Variants in IDH1 observed in about 807,000 individuals in gnomAD.
IDH1 encodes the protein isocitrate dehydrogenase (NADP(+)) 1.
Under a neutral mutation model 46.1 loss-of-function variants are expected in IDH1, and 33 were observed. The observed-to-expected ratio is 0.72, with a 90% CI of 0.54 to 0.96. The LOEUF is 0.96. Among genes scored for constraint, IDH1 ranks in the 40% least tolerant of loss-of-function variants. IDH1 has a pLI of 0.00. For missense variants in IDH1, 421 were observed against 515.7 expected (o/e 0.82, Z 1.78); for synonymous variants, 144 against 172.8 (o/e 0.83, Z 1.31).
intron 4 of IDH1, among the ~76,000 whole-genome samples, chr2:208,246,716 G>A (rs901692248): frequency 3.3e-5 from 5 of 151,408 alleles, no homozygotes; most frequent in Non-Finnish European, 5.9e-5. Context: ...AGGCGGAGGC[G>A]GGCGGATCAC....
At position 208,250,001 on chromosome 2, in the gene IDH1, C is replaced by A. The variant is rs941090432; in HGVS notation, c.123-1341G>T. On this transcript the variant is annotated intron_variant, in intron 3 of 9. Coordinates refer to ENST00000345146, the MANE Select transcript of IDH1 (RefSeq NM_005896.4). ...ATAAGAAAGGAAGGAACAAATTGCC[C>A]AGACCACTGTCCAGCCTACATAAAA... Among the ~76,000 whole-genome samples, 5 of 152,274 alleles carry A rather than the reference C, an allele frequency of 3.3e-5. No homozygotes were observed. In the East Asian group the frequency reaches 7.7e-4, roughly 24 times the overall value.
chr2:208,245,632 G>A (rs557263619), intron 4 of IDH1, among the ~76,000 whole-genome samples: 21 of 146,812 alleles, frequency 1.4e-4, no homozygotes, highest in African/African-American at 2.7e-4. Flanking sequence ...GTGCCTATAC[G>A]AGGTATAGGA....
At chr2:208,244,957 G>C (rs1687988436) in intron 5 of IDH1, among the ~76,000 whole-genome samples, 4 of 152,214 alleles carry the variant, frequency 2.6e-5, no homozygotes, top group African/African-American at 7.2e-5. Context: ...AGCCCTACCA[G>C]AGCAAAGGGC....
intron 4 of IDH1, among the ~76,000 whole-genome samples, chr2:208,247,098 G>A (rs1169561700): frequency 6.6e-6 from 1 of 152,182 alleles, no homozygotes; most frequent in African/African-American, 2.4e-5. Context: ...CTTTGGCCAG[G>A]ATGAAAGGAT....
chr2:208,253,285 T>C (rs1264606236), intron 2 of IDH1, among the ~76,000 whole-genome samples: 1 of 152,232 alleles, frequency 6.6e-6, no homozygotes, highest in African/African-American at 2.4e-5. Flanking sequence ...ACGCTTCAGG[T>C]TTTCCTCACA....
intron 8 of IDH1, 92 bp downstream of exon 8, chr2:208,239,769 CTT>C: frequency 2.5e-6 from 3 of 1,217,530 alleles, no homozygotes; most frequent in Non-Finnish European, 3.7e-6. Flanking sequence ...TTGGTGATGA[CTT>C]TGCACACAAA....
Position 208,237,181 on chromosome 2 carries a change from GAAA to G in IDH1, c.1155-15_1155-13del. ...CAGAACGTTGCACACTAACGGGAAG[GAAA>G]AAAAAAAGAAAATTTAGTTGGTCTC... On this transcript the variant is annotated splice_polypyrimidine_tract_variant and intron_variant, in intron 9 of 9. Coordinates refer to ENST00000345146, the MANE Select transcript of IDH1 (RefSeq NM_005896.4). 2.3e-6 allele frequency: 3 copies of G among 1,288,694 alleles called. No homozygotes were observed. Among genetic ancestry groups the G allele is most frequent in the African/African-American group, 1.5e-5 (1 of 68,576 alleles). 79.8% of individuals were successfully genotyped at this position (1,288,694 alleles called of 1,614,324 possible).
rs2124864181 is a variant in IDH1, at chr2:208,248,676, T to C, written c.123-16A>G. The C allele has an allele frequency of 6.2e-7, 1 of 1,612,464 alleles. No individual in the cohort carries two copies. The highest frequency in any genetic ancestry group is 1.1e-5 in the South Asian group (1 of 91,052). ...TAAATCATAGCTTGAAAGAGAAAAA[T>C]TAGAAGCAAAGTTTTTCAGACAAAT... On this transcript the variant is annotated splice_polypyrimidine_tract_variant and intron_variant, in intron 3 of 9. Transcript: ENST00000345146.
At chr2:208,241,689 T>C (rs992506262) in intron 7 of IDH1, among the ~76,000 whole-genome samples, 14 of 152,148 alleles carry the variant, frequency 9.2e-5, no homozygotes, top group Admixed American at 7.9e-4. Flanking sequence ...CCTGGTTTTT[T>C]ACATTTTCAC....
chr2:208,251,134 C>T (rs1457811779), intron 3 of IDH1: 6 of 224,902 alleles, frequency 2.7e-5, no homozygotes, highest in Non-Finnish European at 5.3e-5. Context: ...TATATTTAGG[C>T]TTAAAACAAA....
intron 4 of IDH1, 23 bp from the exon 5 acceptor site, chr2:208,245,447 T>C (rs368194433): frequency 1.5e-6 from 2 of 1,302,866 alleles, no homozygotes; most frequent in African/African-American, 1.5e-5. Flanking sequence ...GAAAAAGGTA[T>C]AAAGAAAAAA....
At chr2:208,244,525 A>C (rs1008377764) in intron 5 of IDH1, among the ~76,000 whole-genome samples, 2 of 152,240 alleles carry the variant, frequency 1.3e-5, no homozygotes, top group Admixed American at 6.5e-5. Flanking sequence ...AAATAAGTAG[A>C]AATAATTATG....
chr2:208,243,480 AATAGTGTTTTTGGTGCTCAG>A lies in IDH1; in HGVS notation c.625_644del (p.Leu209SerfsTer5). 6.2e-7 allele frequency: 1 copy of A among 1,614,044 alleles called. No homozygotes were observed. On this transcript the variant is annotated frameshift_variant, in exon 6 of 10. Coordinates refer to ENST00000345146, the MANE Select transcript of IDH1 (RefSeq NM_005896.4). LOFTEE classifies it high-confidence loss of function. Reference sequence around the variant, plus strand: ...TAAAACGCCCATCATATTTCTTCAGAATAGTGTTTTTGGTGCTCAGATACAAAGGCCAACCCTTAGACAGA... The same window carrying A: ...TAAAACGCCCATCATATTTCTTCAGAATACAAAGGCCAACCCTTAGACAGA...
chr2:208,246,146 C>CA (rs951397144), intron 4 of IDH1, among the ~76,000 whole-genome samples: 28 of 152,222 alleles, frequency 1.8e-4, no homozygotes, highest in African/African-American at 6.7e-4. Context: ...GGAGCAGCTA[C>CA]AATGGGATGA....
rs750002102 is a variant in IDH1 at position 208,239,978 on chromosome 2, G to C, written c.876C>G (p.Thr292=). 2.5e-6 allele frequency: 4 copies of C among 1,614,176 alleles called. No homozygotes were observed. The highest frequency in any genetic ancestry group is 3.4e-6 in the Non-Finnish European group (4 of 1,180,030). Residue 292 remains threonine, a synonymous_variant, in exon 8 of 10, where the codon ACC becomes ACG. Coordinates refer to ENST00000345146, the MANE Select transcript of IDH1 (RefSeq NM_005896.4). ...AQGYGSLGMM[T]SVLVCPDGKT... is the part of the protein sequence containing the mutation. ...TGCCATCTGGACAAACCAGCACGCTGGTCATCATGCCGAGAGAGCCATACC... is the reference window on the plus strand; with the variant it reads ...TGCCATCTGGACAAACCAGCACGCTCGTCATCATGCCGAGAGAGCCATACC...
In IDH1 at chr2:208,239,102, C is replaced by A. The variant is rs2124847222; in HGVS notation, c.1123G>T (p.Asp375Tyr). The A allele has an allele frequency of 1.2e-6, 2 of 1,613,968 alleles. No homozygotes were observed. The highest frequency in any genetic ancestry group is 1.7e-6 in the Non-Finnish European group (2 of 1,179,876). The change falls in exon 9 of 10, where the codon GAC (aspartate) becomes TAC (tyrosine). Residue 375 changes from aspartate to tyrosine, a missense_variant. Physicochemically the swap from Asp to Tyr is radical, Grantham distance 160 (BLOSUM62 -3). Coordinates refer to ENST00000345146, the MANE Select transcript of IDH1 (RefSeq NM_005896.4). The stretch of plus-strand genomic sequence containing the variant: ...AAACCTTTAATGCAAGCAGCCAAGT[C>A]CTTGGTCATGAAGCCAGCCTCAATT... ...ETIEAGFMTK[D>Y]LAACIKGLPN...
chr2:208,244,291 A>G (rs1032432117), intron 5 of IDH1, among the ~76,000 whole-genome samples: 7 of 152,160 alleles, frequency 4.6e-5, no homozygotes, highest in Non-Finnish European at 8.8e-5. Flanking sequence ...CAGAACCATG[A>G]GCCAATTAAA....
chr2:208,248,659 A>G lies in IDH1; in HGVS notation c.124T>C (p.Tyr42His), dbSNP rs2124864101. 1 of 1,613,916 alleles carries G rather than the reference A, an allele frequency of 6.2e-7. No homozygotes were observed. The highest frequency in any genetic ancestry group is 8.5e-7 in the Non-Finnish European group (1 of 1,179,884). ...TCACGATTCTCTATGCCTAAATCAT[A>G]GCTTGAAAGAGAAAAATTAGAAGCA... is the stretch of plus-strand genomic sequence containing the variant. Reference protein sequence around the residue: ...FPYVELDLHSYDLGIENRDAT... With the variant: ...FPYVELDLHSHDLGIENRDAT... The change falls in exon 4 of 10, where the codon TAT (tyrosine) becomes CAT (histidine). Residue 42 changes from tyrosine to histidine, a missense_variant and splice_region_variant. Physicochemically the swap from Tyr to His is moderately conservative, Grantham distance 83. Transcript: ENST00000345146.
Position 208,243,590 on chromosome 2 carries a change from C to T in IDH1, c.535G>A (p.Ala179Thr). ...TTATCTTGATTATACATCCCCATGG[C>T]AACACCACCACCTTCTGTAGAGGAG... ...VHNFEEGGGVAMGMYNQDKSI... is the reference protein window; with the variant it reads ...VHNFEEGGGVTMGMYNQDKSI... Residue 179 changes from alanine (A) to threonine (T), a missense_variant, in exon 6 of 10, where the codon GCC (alanine) becomes ACC (threonine). Ala to Thr is a moderately conservative substitution (Grantham distance 58). Transcript: ENST00000345146. 6 of 1,613,550 alleles carry T rather than the reference C, an allele frequency of 3.7e-6. No individual in the cohort carries two copies. Among genetic ancestry groups the T allele is most frequent in the Non-Finnish European group, 5.1e-6 (6 of 1,179,530 alleles).
Sources: allele counts gnomAD v4.1 joint callset (sites outside exome capture counted in the v4.1 genomes callset), GRCh38; gene constraint gnomAD v4.1.1; transcripts MANE v1.5; gene names NCBI Gene and HGNC (gene_info 2026-07-23, HGNC 2026-07-21).